WNK2: variants seen among roughly 807,000 people sequenced by gnomAD.
WNK2 encodes serine/threonine-protein kinase WNK2.
WNK2 carries 67 observed loss-of-function variants against 192.1 expected under a neutral mutation model. The ratio of observed to expected loss-of-function variants is 0.35; its 90% confidence interval spans 0.29 to 0.43. WNK2 has a LOEUF of 0.43. Ranked by LOEUF, WNK2 falls within the 20% of genes least tolerant of loss-of-function variation. WNK2 has a pLI of 1.00. For synonymous variants in WNK2, 1,439 were observed against 1,393.9 expected, an observed-to-expected ratio of 1.03 and a Z score of -0.72; for missense variants, 2,698 against 3,089.7, an observed-to-expected ratio of 0.87 and a Z score of 3.01.
At chr9:93,314,851 A>G (rs1321335051) in intron 28 of WNK2, among the ~76,000 whole-genome samples, 1 of 151,976 alleles carries the variant, frequency 6.6e-6, no homozygotes, top group Non-Finnish European at 1.5e-5. Context: ...GAGCAGGAGC[A>G]TTGTCGTGAT....
intron 26 of WNK2, among the ~76,000 whole-genome samples, chr9:93,303,479 TGCCTTCTAG>T (rs1240504713): frequency 6.6e-6 from 1 of 152,252 alleles, no homozygotes; most frequent in Non-Finnish European, 1.5e-5. Context: ...CACTGCACGA[TGCCTTCTAG>T]GCCTTCTCCC....
In WNK2 at chr9:93,263,621, G is replaced by C; in HGVS notation, c.3466G>C (p.Ala1156Pro). The change falls in exon 15 of 30, where the codon GCC (alanine) becomes CCC (proline). Residue 1156 changes from alanine to proline, a missense_variant. By Grantham distance (27) the Ala-to-Pro change is conservative. This residue lies in a region of WNK2 where 893 missense variants were observed against 909.0 expected (regional missense o/e 0.98). Transcript: ENST00000427277. ...GKELSDSCEGAFGGGRLEGRA... is the reference protein window; with the variant it reads ...GKELSDSCEGPFGGGRLEGRA... ...AGAGCTGAGTGACAGCTGTGAAGGC[G>C]CCTTTGGAGGGGGCAGGCTGGAGGG... The C allele has an allele frequency of 6.2e-7, 1 of 1,609,536 alleles. No individual in the cohort carries two copies. Among genetic ancestry groups the C allele is most frequent in the Non-Finnish European group, 8.5e-7 (1 of 1,178,848 alleles).
chr9:93,198,751 T>C (rs1831764690), intron 2 of WNK2, among the ~76,000 whole-genome samples: 1 of 152,252 alleles, frequency 6.6e-6, no homozygotes, highest in Non-Finnish European at 1.5e-5. Flanking sequence ...CGCTGATATG[T>C]GCAGTGACAG....
intron 21 of WNK2, among the ~76,000 whole-genome samples, chr9:93,291,456 C>T (rs1034436784): frequency 6.6e-6 from 1 of 152,064 alleles, no homozygotes; most frequent in African/African-American, 2.4e-5. Context: ...AGAGAGAGTG[C>T]GATTGACAGT....
chr9:93,293,675 C>T (rs1849743752), intron 23 of WNK2, among the ~76,000 whole-genome samples: 1 of 152,108 alleles, frequency 6.6e-6, no homozygotes, highest in Admixed American at 6.5e-5. Context: ...GCTGGGCCGG[C>T]CCCCACCCTG....
chr9:93,230,831 G>T (rs1161493455), intron 3 of WNK2, 57 bp from the exon 4 acceptor site: 7 of 1,522,416 alleles, frequency 4.6e-6, no homozygotes, highest in Non-Finnish European at 5.4e-6. Flanking sequence ...TGGGGGCTTT[G>T]CTAGGGGGCC....
rs901345579 is a variant in WNK2 at position 93,240,008 on chromosome 9, G to C, written c.1542+32G>C. ...AGGACTCAGATGGGGTGAGGTGGGT[G>C]CAGGTGTTGGCAGCTCGTGGTTTCC... On this transcript the variant is annotated intron_variant, in intron 7 of 29. Transcript: ENST00000427277. 3 of 1,582,822 alleles carry C rather than the reference G, an allele frequency of 1.9e-6. No individual in the cohort carries two copies. In the African/African-American group the frequency reaches 4.0e-5, roughly 21 times the overall value.
chr9:93,209,073 A>G (rs1353519364), intron 2 of WNK2, among the ~76,000 whole-genome samples: 4 of 151,868 alleles, frequency 2.6e-5, no homozygotes, highest in Non-Finnish European at 5.9e-5. Context: ...GGCCTTGAAG[A>G]CCCTTGGGAA....
Position 93,239,790 on chromosome 9 carries a change from C to T in WNK2, c.1356C>T (p.Phe452=), listed in dbSNP as rs544272418. Residue 452 remains phenylalanine, a synonymous_variant, in exon 7 of 30, where the codon TTC becomes TTT. Coordinates refer to ENST00000427277, the MANE Select transcript of WNK2 (RefSeq NM_006648.4). The surrounding 1 kb of genome is among the most constrained non-coding windows in gnomAD (Gnocchi z 4.2). The stretch of plus-strand genomic sequence containing the variant: ...TCAAAGACCTGCTGAGCCACGCCTT[C>T]TTCGCAGAGGACACAGGCGTGAGGG... The part of the protein sequence containing the change: ...YEIKDLLSHA[F]FAEDTGVRVE... 1.3e-6 allele frequency: 2 copies of T among 1,568,984 alleles called. No homozygotes were observed. Among genetic ancestry groups the T allele is most frequent in the Admixed American group, 3.8e-5 (2 of 52,772 alleles).
At chr9:93,211,573 TTCAC>T (rs1225981462) in intron 2 of WNK2, among the ~76,000 whole-genome samples, 4 of 132,826 alleles carry the variant, frequency 3.0e-5, no homozygotes, top group African/African-American at 8.8e-5. Context: ...CACTCACACA[TTCAC>T]TCACTCATTT....
intron 15 of WNK2, 36 bp from the exon 16 acceptor site, chr9:93,263,881 T>A (rs781014508): frequency 1.3e-6 from 2 of 1,526,100 alleles, no homozygotes; most frequent in Non-Finnish European, 1.8e-6. Flanking sequence ...CACGTGTGGG[T>A]ACGCCCGTGG....
intron 19 of WNK2, among the ~76,000 whole-genome samples, chr9:93,287,543 G>T: frequency 6.6e-6 from 1 of 152,166 alleles, no homozygotes; most frequent in African/African-American, 2.4e-5. Context: ...AGAACGTGCA[G>T]CACGACCATC....
intron 29 of WNK2, chr9:93,319,260 C>T: frequency 6.5e-7 from 1 of 1,549,786 alleles, no homozygotes; most frequent in Non-Finnish European, 8.7e-7. Context: ...AAATCCAAAG[C>T]AACCAGCCTC....
intron 28 of WNK2, chr9:93,316,989 C>A (rs754237032): frequency 7.6e-5 from 13 of 172,018 alleles, no homozygotes; most frequent in Non-Finnish European, 2.5e-5. Flanking sequence ...AGGAGTGACT[C>A]CCCGTGGCCA....
At chr9:93,194,168 A>G (rs553531513) in intron 2 of WNK2, among the ~76,000 whole-genome samples, 1 of 152,260 alleles carries the variant, frequency 6.6e-6, no homozygotes. Flanking sequence ...GTGACTTTAG[A>G]TATAACACCA....
At chr9:93,209,683 A>G (rs568749624) in intron 2 of WNK2, among the ~76,000 whole-genome samples, 16 of 152,252 alleles carry the variant, frequency 1.1e-4, no homozygotes, top group Admixed American at 5.2e-4. Context: ...GTGGAAGGGG[A>G]CTAGGACCTC....
At position 93,297,961 on chromosome 9, in the gene WNK2, G is replaced by T; in HGVS notation, c.5817G>T (p.Thr1939=). The change falls in exon 24 of 30, where the codon ACG becomes ACT. Residue 1939 remains threonine (T), a synonymous_variant. Coordinates refer to ENST00000427277, the MANE Select transcript of WNK2 (RefSeq NM_006648.4). ...PLPPNVGFFH[T]APPTGRRRKT... The stretch of plus-strand genomic sequence containing the variant: ...CCCCCAACGTGGGCTTCTTCCACAC[G>T]GCACCCCCCACTGGCCGCCGGAGAA... The T allele has an allele frequency of 1.3e-6, 2 of 1,578,084 alleles. No individual in the cohort carries two copies. Among genetic ancestry groups the T allele is most frequent in the East Asian group, 2.3e-5 (1 of 42,584 alleles).
At chr9:93,227,763 T>C (rs1838064871) in intron 2 of WNK2, among the ~76,000 whole-genome samples, 4 of 148,638 alleles carry the variant, frequency 2.7e-5, no homozygotes. Flanking sequence ...GCCTCCCGAG[T>C]AGCTGGGACT....
chr9:93,282,623 A>G (rs1847908553), intron 19 of WNK2, among the ~76,000 whole-genome samples: 1 of 152,190 alleles, frequency 6.6e-6, no homozygotes, highest in Admixed American at 6.5e-5. Context: ...TGAAAGATTC[A>G]ACTGGCCAGG....
Sources: gnomAD v4.1 joint callset for allele counts (sites outside exome capture counted in the v4.1 genomes callset) on GRCh38, gnomAD v4.1.1 for gene constraint, gnomAD v4.1.1 regional missense constraint, Gnocchi (gnomAD v3.1) non-coding constraint, MANE v1.5 for transcripts, NCBI Gene and HGNC (gene_info 2026-07-23, HGNC 2026-07-21) for gene names.